The following ASTN2 variants were observed in gnomAD, a reference collection of about 807,000 sequenced individuals.
ASTN2 encodes the protein astrotactin-2.
Under a neutral mutation model 139.8 loss-of-function variants are expected in ASTN2, and 54 were observed. The observed-to-expected ratio is 0.39, with a 90% confidence interval of 0.31 to 0.48. ASTN2 has a LOEUF of 0.48. Among genes scored for constraint, ASTN2 ranks in the 20% least tolerant of loss-of-function variants. The pLI is 0.95. For missense variants in ASTN2, 1,565 were observed against 1,725.1 expected (o/e 0.91, Z 1.64); for synonymous variants, 756 against 719.5 (o/e 1.05, Z -0.81).
At chr9:117,062,702 G>C (rs1359811186) in intron 5 of ASTN2, among the ~76,000 whole-genome samples, 1 of 152,080 alleles carries the variant, frequency 6.6e-6, no homozygotes, top group Non-Finnish European at 1.5e-5. Flanking sequence ...GTGAGTGTGT[G>C]TACACACTCA....
intron 1 of ASTN2, among the ~76,000 whole-genome samples, chr9:117,395,906 G>C (rs79994818): frequency 6.6e-6 from 1 of 152,350 alleles, no homozygotes; most frequent in East Asian, 1.9e-4. Flanking sequence ...ACAACAAGAA[G>C]AATCTATAGA....
intron 19 of ASTN2, among the ~76,000 whole-genome samples, chr9:116,491,117 G>A (rs544216215): frequency 6.6e-6 from 1 of 152,282 alleles, no homozygotes; most frequent in African/African-American, 2.4e-5. Context: ...TGCAGTATAT[G>A]CAGTATAACT....
chr9:116,868,536 G>T (rs2132348846), intron 10 of ASTN2, among the ~76,000 whole-genome samples: 1 of 152,328 alleles, frequency 6.6e-6, no homozygotes, highest in Admixed American at 6.5e-5. Flanking sequence ...CCCACAGCCT[G>T]ATTCCTGGGC....
chr9:116,990,926 C>T lies in ASTN2; in HGVS notation c.1592-14141G>A, dbSNP rs964788244. 7.2e-5 allele frequency among the ~76,000 whole-genome samples: 11 copies of T among 152,158 alleles called. No homozygotes were observed. In the East Asian group the frequency reaches 2.1e-3, roughly 29 times the overall value. ...CTGTTCACACCACACTGGGTAAGGT[C>T]ACCTGAACTTACCTGAGTTGTGTGG... On this transcript the variant is annotated intron_variant, in intron 7 of 22. Transcript: ENST00000313400.
At chr9:117,367,432 T>G (rs916192380) in intron 1 of ASTN2, among the ~76,000 whole-genome samples, 20 of 152,192 alleles carry the variant, frequency 1.3e-4, no homozygotes, top group African/African-American at 1.2e-4. Context: ...TATTTACTAA[T>G]ACCTGTATAC....
chr9:116,975,955 C>A (rs1836330208), intron 9 of ASTN2, among the ~76,000 whole-genome samples, 159 bp downstream of exon 9: 1 of 152,186 alleles, frequency 6.6e-6, no homozygotes, highest in Non-Finnish European at 1.5e-5. Context: ...CCATAGCAAC[C>A]TGCGCCATGA....
chr9:116,597,156 T>C (rs771350913), intron 19 of ASTN2, among the ~76,000 whole-genome samples: 3 of 152,130 alleles, frequency 2.0e-5, no homozygotes, highest in Non-Finnish European at 2.9e-5. Flanking sequence ...CCTTTGAAAT[T>C]GGTACCCTTT....
chr9:117,289,311 C>T (rs1834527851), intron 2 of ASTN2, among the ~76,000 whole-genome samples: 1 of 152,144 alleles, frequency 6.6e-6, no homozygotes, highest in Non-Finnish European at 1.5e-5. Context: ...TCCACGTTAC[C>T]TACTCTGCCA....
Position 117,285,188 on chromosome 9 carries a change from C to G in ASTN2, c.630+6138G>C, listed in dbSNP as rs562282713. Among the ~76,000 whole-genome samples the G allele has an allele frequency of 1.2e-4, 19 of 152,198 alleles. No homozygotes were observed. The South Asian group carries it at 3.7e-3, about 30-fold the overall frequency. Reference sequence around the variant, plus strand: ...TAGAATTATTTGTTCAGAAACCTAGCCTTTTATTAATTCAACTTAAAATAT... The same window carrying G: ...TAGAATTATTTGTTCAGAAACCTAGGCTTTTATTAATTCAACTTAAAATAT... On this transcript the variant is annotated intron_variant, in intron 2 of 22. Transcript: ENST00000313400.
At chr9:117,075,571 C>T (rs17307967) in intron 5 of ASTN2, among the ~76,000 whole-genome samples, 21,301 of 151,594 alleles carry the variant, frequency 0.14, 1,576 homozygotes, top group East Asian at 0.2. Context: ...GTTTTCTGGT[C>T]CAGACACTAC....
intron 19 of ASTN2, among the ~76,000 whole-genome samples, chr9:116,522,605 A>G (rs966945826): frequency 6.6e-6 from 1 of 152,194 alleles, no homozygotes; most frequent in South Asian, 2.1e-4. Context: ...CTCAGAAATC[A>G]TCACTAAAGA....
At chr9:116,587,169 C>T (rs1250924661) in intron 19 of ASTN2, among the ~76,000 whole-genome samples, 2 of 151,902 alleles carry the variant, frequency 1.3e-5, no homozygotes, top group African/African-American at 4.8e-5. Flanking sequence ...GGTGAAACCA[C>T]ATCTCTACTA....
chr9:116,680,369 G>C (rs1214517729), intron 16 of ASTN2, among the ~76,000 whole-genome samples: 1 of 152,192 alleles, frequency 6.6e-6, no homozygotes, highest in African/African-American at 2.4e-5. Context: ...ATCTGAAATT[G>C]TGGCAATAAT....
chr9:117,312,109 T>C (rs1044754380), intron 1 of ASTN2, among the ~76,000 whole-genome samples: 2 of 152,146 alleles, frequency 1.3e-5, no homozygotes, highest in Non-Finnish European at 2.9e-5. Flanking sequence ...ACTAAAGCAC[T>C]AGACACATAT....
At chr9:116,553,228 C>G (rs1178624912) in intron 19 of ASTN2, among the ~76,000 whole-genome samples, 5 of 152,062 alleles carry the variant, frequency 3.3e-5, no homozygotes, top group South Asian at 2.1e-4. Flanking sequence ...ACCTTTGACT[C>G]TAAAACAAGA....
intron 3 of ASTN2, among the ~76,000 whole-genome samples, chr9:117,166,918 T>C (rs1361441674): frequency 6.6e-6 from 1 of 152,144 alleles, no homozygotes; most frequent in Non-Finnish European, 1.5e-5. Flanking sequence ...GGGATAATTA[T>C]GTTGACAACA....
chr9:117,200,345 AC>A (rs772954577), intron 3 of ASTN2, among the ~76,000 whole-genome samples: 5 of 151,372 alleles, frequency 3.3e-5, no homozygotes, highest in Non-Finnish European at 5.9e-5. Flanking sequence ...CTATCTGAAT[AC>A]CCTTTATTTC....
intron 1 of ASTN2, among the ~76,000 whole-genome samples, chr9:117,402,158 C>T (rs1435963887): frequency 1.3e-5 from 2 of 152,170 alleles, no homozygotes; most frequent in African/African-American, 2.4e-5. Context: ...TCTCCACCTC[C>T]CAGGTTCAAG....
At chr9:117,327,881 G>A (rs775848917) in intron 1 of ASTN2, among the ~76,000 whole-genome samples, 2 of 152,120 alleles carry the variant, frequency 1.3e-5, no homozygotes, top group Non-Finnish European at 2.9e-5. Context: ...ACTCTTTGAC[G>A]GCAGGGTTTT....
Sources: allele counts gnomAD v4.1 joint callset (sites outside exome capture counted in the v4.1 genomes callset), GRCh38; gene constraint gnomAD v4.1.1; transcripts MANE v1.5; gene names NCBI Gene and HGNC (gene_info 2026-07-23, HGNC 2026-07-21).